The following RSPO3 variants were observed in gnomAD, a reference collection of about 807,000 sequenced individuals.
RSPO3 encodes the protein R-spondin 3, also known as R-spondin-3.
A neutral mutation model predicts 36.5 loss-of-function variants in RSPO3; 17 were observed. That is an observed-to-expected ratio of 0.47 (90% CI 0.32 to 0.70). RSPO3 has a LOEUF of 0.70. Ranked by LOEUF, RSPO3 falls within the 30% of genes least tolerant of loss-of-function variation. The probability of loss-of-function intolerance (pLI) is 0.04; values close to 1 mark genes in which losing one functional copy is unlikely to be tolerated. For synonymous variants in RSPO3, 108 were observed against 107.0 expected (o/e 1.01, Z -0.06); for missense variants, 294 against 322.5 (o/e 0.91, Z 0.68).
chr6:127,175,666 A>C (rs1775039200), intron 4 of RSPO3, among the ~76,000 whole-genome samples: 2 of 151,740 alleles, frequency 1.3e-5, no homozygotes, highest in Non-Finnish European at 1.5e-5. Context: ...CAATTTTAGC[A>C]CAGTTGTGAC....
chr6:127,185,695 A>C (rs1775279182), intron 4 of RSPO3, among the ~76,000 whole-genome samples: 1 of 151,980 alleles, frequency 6.6e-6, no homozygotes, highest in South Asian at 2.1e-4. Flanking sequence ...TTAAAGGTAC[A>C]TTTTTCCCCC....
chr6:127,128,417 A>T (rs746137312), intron 1 of RSPO3, among the ~76,000 whole-genome samples: 55 of 152,168 alleles, frequency 3.6e-4, no homozygotes, highest in Non-Finnish European at 7.4e-4. Context: ...AACAAATAAC[A>T]CAATCTTTGG....
At chr6:127,159,782 G>A (rs1448115200) in intron 4 of RSPO3, among the ~76,000 whole-genome samples, 4 of 151,240 alleles carry the variant, frequency 2.6e-5, no homozygotes, top group Non-Finnish European at 2.9e-5. Flanking sequence ...CTGAGTAGCT[G>A]GGATTACAGG....
chr6:127,124,092 A>C (rs372785075), intron 1 of RSPO3, among the ~76,000 whole-genome samples: 1 of 152,232 alleles, frequency 6.6e-6, no homozygotes, highest in Non-Finnish European at 1.5e-5. Flanking sequence ...AGTACTATGT[A>C]GAGTTTTCAG....
chr6:127,126,876 C>A (rs1018938723), intron 1 of RSPO3, among the ~76,000 whole-genome samples: 1 of 152,038 alleles, frequency 6.6e-6, no homozygotes, highest in Non-Finnish European at 1.5e-5. Context: ...AAGCTCTCCC[C>A]CTTTTTCCTC....
Position 127,140,032 on chromosome 6 carries a change from A to G in RSPO3, c.98-8616A>G, listed in dbSNP as rs183011577. ...TTGTAGCTAGTCGGTTGGTCACAGG[A>G]AAGTTCATAGGGTTTTTACTACTTT... On this transcript the variant is annotated intron_variant, in intron 1 of 4. Transcript: ENST00000356698. 5.9e-3 allele frequency among the ~76,000 whole-genome samples: 900 copies of G among 152,296 alleles called. 2 individuals are homozygous for G. The highest frequency in any genetic ancestry group is 0.017 in the Middle Eastern group (5 of 294).
At position 127,197,231 on chromosome 6, in the gene RSPO3, G is replaced by A. The variant is rs1029078238; in HGVS notation, c.*1224G>A. ...GAGCCAATGGAGATTTACTTATAGCGTATTAGGAGATATTTATTCCATTTT... is the reference window on the plus strand; with the variant it reads ...GAGCCAATGGAGATTTACTTATAGCATATTAGGAGATATTTATTCCATTTT... On this transcript the variant is annotated 3_prime_UTR_variant, in exon 5 of 5. Coordinates refer to ENST00000356698, the MANE Select transcript of RSPO3 (RefSeq NM_032784.5). The A allele has an allele frequency of 2.4e-5, 15 of 630,694 alleles. No homozygotes were observed. The highest frequency in any genetic ancestry group is 6.3e-5 in the South Asian group (3 of 47,830). The allele number at this position is 630,694 out of a possible 1,614,324, so 39.1% of individuals were successfully genotyped here.
chr6:127,155,835 C>T (rs780282805), intron 4 of RSPO3, among the ~76,000 whole-genome samples: 8 of 151,310 alleles, frequency 5.3e-5, no homozygotes, highest in Non-Finnish European at 1.0e-4. Flanking sequence ...TGCCTGCAAA[C>T]CAAAGTAGTG....
intron 1 of RSPO3, among the ~76,000 whole-genome samples, chr6:127,121,661 T>G (rs564680482): frequency 6.6e-6 from 1 of 152,126 alleles, no homozygotes; most frequent in East Asian, 1.9e-4. Flanking sequence ...GGTAGAGAGG[T>G]CCTCTTTAAA....
chr6:127,121,873 A>G (rs1773853047), intron 1 of RSPO3, among the ~76,000 whole-genome samples: 1 of 152,248 alleles, frequency 6.6e-6, no homozygotes, highest in South Asian at 2.1e-4. Context: ...TTGTTTCTTC[A>G]AGAGACAATT....
chr6:127,119,151 A>G lies in RSPO3; in HGVS notation c.-42A>G. On this transcript the variant is annotated 5_prime_UTR_variant, in exon 1 of 5. Coordinates refer to ENST00000356698, the MANE Select transcript of RSPO3 (RefSeq NM_032784.5). ...AAAACATTAAATATAATTAACAATC[A>G]AAAGAAAGAGGAGAAAGGAAGGGAA... is the stretch of plus-strand genomic sequence containing the variant. The G allele has an allele frequency of 1.4e-6, 2 of 1,402,822 alleles. No individual in the cohort carries two copies. The highest frequency in any genetic ancestry group is 2.0e-6 in the Non-Finnish European group (2 of 995,174). 86.9% of individuals were successfully genotyped at this position (1,402,822 alleles called of 1,614,324 possible). A position where few individuals can be genotyped will look rare whatever the true frequency, so the allele number is the denominator to read the frequency against.
At chr6:127,144,146 A>G (rs940121718) in intron 1 of RSPO3, among the ~76,000 whole-genome samples, 5 of 152,200 alleles carry the variant, frequency 3.3e-5, no homozygotes, top group Non-Finnish European at 4.4e-5. Context: ...ACAACTAACC[A>G]TAATAAACAA....
chr6:127,134,676 A>C (rs2489623), intron 1 of RSPO3, among the ~76,000 whole-genome samples: 83,802 of 152,010 alleles, frequency 0.55, 23,125 homozygotes, highest in East Asian at 0.61. Flanking sequence ...TGATTCAATT[A>C]TTTTCGGTAT....
At chr6:127,146,037 C>T (rs1774376175) in intron 1 of RSPO3, among the ~76,000 whole-genome samples, 1 of 152,108 alleles carries the variant, frequency 6.6e-6, no homozygotes, top group Non-Finnish European at 1.5e-5. Flanking sequence ...AGAAAGCTGT[C>T]ACTACACTAC....
At chr6:127,161,033 A>C (rs936960491) in intron 4 of RSPO3, among the ~76,000 whole-genome samples, 1 of 151,918 alleles carries the variant, frequency 6.6e-6, no homozygotes, top group Non-Finnish European at 1.5e-5. Flanking sequence ...AATCACTGAA[A>C]CATCAAATCA....
Position 127,155,249 on chromosome 6 carries a change from G to A in RSPO3, c.445G>A (p.Glu149Lys). 6.2e-7 allele frequency: 1 copy of A among 1,613,736 alleles called. No individual in the cohort carries two copies. The highest frequency in any genetic ancestry group is 8.5e-7 in the Non-Finnish European group (1 of 1,179,734). Residue 149 changes from glutamate to lysine, a missense_variant, in exon 4 of 5, where the codon GAG becomes AAG. Physicochemically the swap from Glu to Lys is moderately conservative, Grantham distance 56 (BLOSUM62 1). This residue lies in a region of RSPO3 where 190 missense variants were observed against 185.2 expected (regional missense o/e 1.03). Coordinates refer to ENST00000356698, the MANE Select transcript of RSPO3 (RefSeq NM_032784.5). ...TMECVSIVHC[E>K]VSEWNPWSPC... is the part of the protein sequence containing the mutation. ...CTTCTGTTCTGTTTCAGTGCACTGT[G>A]AGGTCAGTGAATGGAATCCTTGGAG...
chr6:127,173,189 A>G (rs1774977053), intron 4 of RSPO3, among the ~76,000 whole-genome samples: 1 of 151,890 alleles, frequency 6.6e-6, no homozygotes, highest in African/African-American at 2.4e-5. Flanking sequence ...GTTTACAACC[A>G]TTTTGTTATT....
chr6:127,173,328 G>C (rs1466743065), intron 4 of RSPO3, among the ~76,000 whole-genome samples: 1 of 151,774 alleles, frequency 6.6e-6, no homozygotes, highest in African/African-American at 2.4e-5. Flanking sequence ...GCACTAAATG[G>C]TTATGTTAGT....
chr6:127,186,533 T>C, intron 4 of RSPO3, among the ~76,000 whole-genome samples: 1 of 152,042 alleles, frequency 6.6e-6, no homozygotes, highest in South Asian at 2.1e-4. Context: ...TACTGGAATA[T>C]GTGTTATTGG....
Sources: gnomAD v4.1 joint callset for allele counts (sites outside exome capture counted in the v4.1 genomes callset) on GRCh38, gnomAD v4.1.1 for gene constraint, gnomAD v4.1.1 regional missense constraint, MANE v1.5 for transcripts, NCBI Gene and HGNC (gene_info 2026-07-23, HGNC 2026-07-21) for gene names.